CCDC190: variants seen among roughly 807,000 people sequenced by gnomAD.
The protein encoded by CCDC190 is coiled-coil domain containing 190, also known as coiled-coil domain-containing protein 190.
CCDC190 carries 10 observed loss-of-function variants against 13.1 expected under a neutral mutation model. The observed-to-expected ratio is 0.77, with a 90% CI of 0.47 to 1.30. The LOEUF is 1.30. Among genes scored for constraint, CCDC190 ranks in the 50% most tolerant of loss-of-function variants. The pLI, the probability that CCDC190 is intolerant of heterozygous loss-of-function variation, is 0.00. For synonymous variants in CCDC190, 136 were observed against 127.2 expected (o/e 1.07, Z -0.47); for missense variants, 375 against 354.3 (o/e 1.06, Z -0.47).
At chr1:162,867,191 C>T (rs11800473) in intron 1 of CCDC190, among the ~76,000 whole-genome samples, 96,154 of 151,812 alleles carry the variant, frequency 0.63, 32,830 homozygotes, top group Non-Finnish European at 0.77. Flanking sequence ...ATATTGACAA[C>T]GCAAAAAAAC....
upstream of CCDC190, among the ~76,000 whole-genome samples, chr1:162,861,478 C>A: frequency 6.6e-6 from 1 of 151,856 alleles, no homozygotes; most frequent in East Asian, 1.9e-4. Flanking sequence ...CCTTCCCTAA[C>A]CTTCATTCCT....
At chr1:162,857,209 C>T (rs984602193) in intron 2 of CCDC190, among the ~76,000 whole-genome samples, 1 of 152,314 alleles carries the variant, frequency 6.6e-6, no homozygotes. Flanking sequence ...TCATTTTCTT[C>T]ACCTGACCAA....
In CCDC190 at chr1:162,854,607, A is replaced by G; in HGVS notation, c.*158T>C. On this transcript the variant is annotated 3_prime_UTR_variant, in exon 4 of 4. Transcript: ENST00000367912. ...TTCATATATTAGCATTGTTCATTCA[A>G]GAAATATTATATTCCCGGAAAATAA... is the stretch of plus-strand genomic sequence containing the variant. 4 of 1,400,738 alleles carry G rather than the reference A, an allele frequency of 2.9e-6. No homozygotes were observed. Among genetic ancestry groups the G allele is most frequent in the South Asian group, 1.7e-5 (1 of 57,930 alleles). The allele number at this position is 1,400,738 out of a possible 1,614,324, so 86.8% of individuals were successfully genotyped here.
At chr1:162,867,921 G>A (rs1353128939) in intron 1 of CCDC190, among the ~76,000 whole-genome samples, 4 of 152,128 alleles carry the variant, frequency 2.6e-5, no homozygotes, top group Non-Finnish European at 5.9e-5. Flanking sequence ...TGCCTGGGCT[G>A]AGAGGTATAG....
chr1:162,865,254 G>A (rs544492903), upstream of CCDC190, among the ~76,000 whole-genome samples: 86 of 152,180 alleles, frequency 5.7e-4, no homozygotes, highest in Non-Finnish European at 8.2e-4. Context: ...AAAACGAATA[G>A]AATTACATGG....
At chr1:162,866,858 T>C (rs1383686851) in intron 1 of CCDC190, among the ~76,000 whole-genome samples, 1 of 152,094 alleles carries the variant, frequency 6.6e-6, no homozygotes, top group Non-Finnish European at 1.5e-5. Context: ...AATATTCTTT[T>C]TACAAGTAGT....
upstream of CCDC190, among the ~76,000 whole-genome samples, chr1:162,865,976 A>G (rs1012610422): frequency 8.5e-5 from 13 of 152,322 alleles, no homozygotes; most frequent in African/African-American, 3.1e-4. Flanking sequence ...TTCTGTGGAG[A>G]AAATAGTAAG....
intron 1 of CCDC190, among the ~76,000 whole-genome samples, chr1:162,868,044 T>G (rs1487996248): frequency 6.6e-6 from 1 of 152,176 alleles, no homozygotes; most frequent in African/African-American, 2.4e-5. Flanking sequence ...AACTGTGAAT[T>G]TTAGTGGATA....
chr1:162,861,601 G>A (rs12090563), upstream of CCDC190, among the ~76,000 whole-genome samples: 33,243 of 152,048 alleles, frequency 0.22, 4,105 homozygotes, highest in African/African-American at 0.35. Flanking sequence ...ATTGCACACC[G>A]TACTGACCTT....
intron 1 of CCDC190, among the ~76,000 whole-genome samples, chr1:162,860,071 G>A (rs1650451023): frequency 6.6e-6 from 1 of 152,022 alleles, no homozygotes; most frequent in Non-Finnish European, 1.5e-5. Flanking sequence ...CAGAGGTCTG[G>A]AGAGGATTTA....
chr1:162,862,201 C>T (rs925221704), upstream of CCDC190, among the ~76,000 whole-genome samples: 9 of 152,152 alleles, frequency 5.9e-5, no homozygotes, highest in African/African-American at 2.2e-4. Context: ...CATTCCATCC[C>T]TTTGTTGCCA....
Position 162,854,556 on chromosome 1 carries a change from C to G in CCDC190, c.*209G>C. On this transcript the variant is annotated 3_prime_UTR_variant, in exon 4 of 4. Coordinates refer to ENST00000367912, the MANE Select transcript of CCDC190 (RefSeq NM_001394065.1). ...ATAAACATATCACTTAAAATATTTTCAGAAGATTCATTCTTCCTCTCCTTT... is the reference window on the plus strand; with the variant it reads ...ATAAACATATCACTTAAAATATTTTGAGAAGATTCATTCTTCCTCTCCTTT... 1 of 1,347,170 alleles carries G rather than the reference C, an allele frequency of 7.4e-7. No homozygotes were observed. The highest frequency in any genetic ancestry group is 9.5e-7 in the Non-Finnish European group (1 of 1,051,866). The allele number at this position is 1,347,170 out of a possible 1,614,324, so 83.5% of individuals were successfully genotyped here. A position where few individuals can be genotyped will look rare whatever the true frequency, so the allele number is the denominator to read the frequency against.
Position 162,859,469 on chromosome 1 carries a change from A to G in CCDC190, c.178T>C (p.Leu60=). 1.2e-6 allele frequency: 2 copies of G among 1,613,076 alleles called. No homozygotes were observed. The highest frequency in any genetic ancestry group is 1.7e-6 in the Non-Finnish European group (2 of 1,179,520). ...QRQLQKELQR[L]QQETMKKKFS... Reference sequence around the variant, plus strand: ...GTCCTGAAAGTCTTACCTTGCTGCAACCTCTGCAGTTCTTTTTGGAGCTGC... The same window carrying G: ...GTCCTGAAAGTCTTACCTTGCTGCAGCCTCTGCAGTTCTTTTTGGAGCTGC... Residue 60 remains leucine, a synonymous_variant, in exon 2 of 4, where the codon TTG becomes CTG. Coordinates refer to ENST00000367912, the MANE Select transcript of CCDC190 (RefSeq NM_001394065.1).
upstream of CCDC190, among the ~76,000 whole-genome samples, chr1:162,864,628 C>A (rs1650635922): frequency 6.6e-6 from 1 of 151,992 alleles, no homozygotes; most frequent in African/African-American, 2.4e-5. Flanking sequence ...TGGAAGTTTA[C>A]TGTTATAAGG....
upstream of CCDC190, among the ~76,000 whole-genome samples, chr1:162,862,803 G>T (rs1321031459): frequency 1.3e-5 from 2 of 152,260 alleles, no homozygotes; most frequent in African/African-American, 4.8e-5. Context: ...AGGGAGAGGA[G>T]GTATATAAAA....
Position 162,854,511 on chromosome 1 carries a change from T to C in CCDC190, c.*254A>G. The C allele has an allele frequency of 8.1e-7, 1 of 1,234,176 alleles. No individual in the cohort carries two copies. The highest frequency in any genetic ancestry group is 1.0e-6 in the Non-Finnish European group (1 of 985,640). The allele number at this position is 1,234,176 out of a possible 1,614,324, so 76.5% of individuals were successfully genotyped here. A position where few individuals can be genotyped will look rare whatever the true frequency, so the allele number is the denominator to read the frequency against. ...TCCCAAGTCCAGTCATCAATATATATTCATATTTTTGATGACATCATAAAC... is the reference window on the plus strand; with the variant it reads ...TCCCAAGTCCAGTCATCAATATATACTCATATTTTTGATGACATCATAAAC... On this transcript the variant is annotated 3_prime_UTR_variant, in exon 4 of 4. Coordinates refer to ENST00000367912, the MANE Select transcript of CCDC190 (RefSeq NM_001394065.1).
intron 1 of CCDC190, among the ~76,000 whole-genome samples, chr1:162,859,937 G>A (rs1428842436): frequency 1.3e-5 from 2 of 150,710 alleles, no homozygotes; most frequent in East Asian, 3.9e-4. Flanking sequence ...AGAAGATCAA[G>A]TGAGAAGTGT....
chr1:162,860,378 T>C lies in CCDC190; in HGVS notation c.-13+630A>G, dbSNP rs77078724. 6.0e-3 allele frequency among the ~76,000 whole-genome samples: 917 copies of C among 152,286 alleles called. 15 individuals are homozygous for C. The highest frequency in any genetic ancestry group is 0.021 in the African/African-American group (868 of 41,558). ...CATCCTCACCCATCTTCTCAGACTTTAGATGCTCTCCTCCCTCCATGTACC... is the reference window on the plus strand; with the variant it reads ...CATCCTCACCCATCTTCTCAGACTTCAGATGCTCTCCTCCCTCCATGTACC... On this transcript the variant is annotated intron_variant, in intron 1 of 3. Transcript: ENST00000367912.
chr1:162,859,259 G>T (rs1407962929), intron 2 of CCDC190, among the ~76,000 whole-genome samples: 4 of 152,184 alleles, frequency 2.6e-5, no homozygotes, highest in Non-Finnish European at 4.4e-5. Flanking sequence ...GCTCAAGAAG[G>T]CTTATGAGTA....
Sources: gnomAD v4.1 joint callset for allele counts (sites outside exome capture counted in the v4.1 genomes callset) on GRCh38, gnomAD v4.1.1 for gene constraint, MANE v1.5 for transcripts, NCBI Gene and HGNC (gene_info 2026-07-23, HGNC 2026-07-21) for gene names.